SEMA6D: variants seen among roughly 807,000 people sequenced by gnomAD.
SEMA6D encodes semaphorin-6D.
Under a neutral mutation model 106.6 loss-of-function variants are expected in SEMA6D, and 35 were observed. The observed-to-expected ratio is 0.33, with a 90% CI of 0.25 to 0.44. The LOEUF (loss-of-function observed/expected upper bound fraction) is 0.44, where lower values mean the gene tolerates loss of function less well. Ranked by LOEUF, SEMA6D falls within the 20% of genes least tolerant of loss-of-function variation. The probability of loss-of-function intolerance (pLI) is 1.00; values close to 1 mark genes in which losing one functional copy is unlikely to be tolerated. For missense variants in SEMA6D, 1,185 were observed against 1,345.9 expected (o/e 0.88, Z 1.87); for synonymous variants, 499 against 487.7 (o/e 1.02, Z -0.31).
rs192603448 is a variant in SEMA6D, at chr15:47,615,510, T to A, written c.-55+14614T>A. Among the ~76,000 whole-genome samples the A allele has an allele frequency of 7.2e-5, 11 of 152,294 alleles. No homozygotes were observed. In the East Asian group the frequency reaches 2.1e-3, roughly 29 times the overall value. ...TCATTTATACACACAAAAACAAGTA[T>A]TTTTTTACGAAACTGTCTTCTTGTG... On this transcript the variant is annotated intron_variant, in intron 4 of 19. Transcript: ENST00000558014.
At chr15:47,634,709 G>T (rs772323016) in intron 4 of SEMA6D, among the ~76,000 whole-genome samples, 4 of 152,178 alleles carry the variant, frequency 2.6e-5, no homozygotes, top group Middle Eastern at 3.4e-3. Flanking sequence ...CTACCCTGGT[G>T]GGGGCAATTG....
At chr15:47,423,546 C>T (rs2041236779) in intron 2 of SEMA6D, among the ~76,000 whole-genome samples, 1 of 151,986 alleles carries the variant, frequency 6.6e-6, no homozygotes, top group South Asian at 2.1e-4. Context: ...ACATAGACTA[C>T]AATTCAACCT....
intron 1 of SEMA6D, chr15:47,393,390 C>T (rs556825351): frequency 6.6e-6 from 1 of 152,246 alleles, no homozygotes; most frequent in East Asian, 1.9e-4. Context: ...CTGTGAAAGT[C>T]TTTGTGGGAA....
intron 1 of SEMA6D, among the ~76,000 whole-genome samples, chr15:47,260,529 G>A (rs78454418): frequency 0.029 from 4,489 of 152,176 alleles, 239 homozygotes; most frequent in African/African-American, 0.1. Flanking sequence ...AGCAATCCCA[G>A]TGTCTTCTGG....
intron 1 of SEMA6D, among the ~76,000 whole-genome samples, chr15:47,251,907 A>ATTTTTTTTT (rs994788645): frequency 1.2e-5 from 1 of 81,996 alleles, no homozygotes; most frequent in African/African-American, 5.4e-5. Flanking sequence ...TTCTAATTGG[A>ATTTTTTTTT]TTTTTTTTTT....
chr15:47,461,095 C>T (rs1047160806), intron 2 of SEMA6D, among the ~76,000 whole-genome samples: 12 of 152,240 alleles, frequency 7.9e-5, no homozygotes, highest in African/African-American at 2.9e-4. Context: ...TGCGTTTGTA[C>T]TTGCTCTTGT....
intron 4 of SEMA6D, among the ~76,000 whole-genome samples, chr15:47,625,650 G>T (rs1170938731): frequency 6.6e-6 from 1 of 151,656 alleles, no homozygotes; most frequent in Non-Finnish European, 1.5e-5. Flanking sequence ...TGAGAGGATC[G>T]CTATACCCCA....
chr15:47,472,518 G>A (rs1187372640), intron 3 of SEMA6D, among the ~76,000 whole-genome samples: 2 of 152,182 alleles, frequency 1.3e-5, no homozygotes, highest in African/African-American at 2.4e-5. Context: ...CCTCCATGTA[G>A]TAGAAGGAAC....
At chr15:47,398,877 A>AC in intron 1 of SEMA6D, among the ~76,000 whole-genome samples, 1 of 152,110 alleles carries the variant, frequency 6.6e-6, no homozygotes, top group East Asian at 1.9e-4. Context: ...ATGGGAAGGA[A>AC]CACCGGCTCA....
At position 47,317,850 on chromosome 15, in the gene SEMA6D, T is replaced by C. The variant is rs765777949; in HGVS notation, c.-238-94543T>C. Among the ~76,000 whole-genome samples the C allele has an allele frequency of 7.2e-5, 11 of 152,276 alleles. No individual in the cohort carries two copies. The South Asian group carries it at 8.3e-4, about 11-fold the overall frequency. On this transcript the variant is annotated intron_variant, in intron 1 of 19. Coordinates refer to the SEMA6D transcript ENST00000558014. ...CCAGGTGTAGTGTTTTAGGCACTTA[T>C]GTTGTTTGCTTTTCTCCGAGCTTTT...
intron 1 of SEMA6D, among the ~76,000 whole-genome samples, chr15:47,318,847 A>T (rs1274566620): frequency 4.0e-5 from 6 of 149,602 alleles, no homozygotes; most frequent in Admixed American, 2.0e-4. Flanking sequence ...CGCCACACTG[A>T]CTTCCACAAT....
intron 1 of SEMA6D, among the ~76,000 whole-genome samples, chr15:47,194,651 C>T (rs1343949991): frequency 1.3e-5 from 2 of 152,138 alleles, no homozygotes; most frequent in Middle Eastern, 3.2e-3. Context: ...AAATATTTGT[C>T]TAGGAAATTA....
chr15:47,210,275 T>C (rs1173055837), intron 1 of SEMA6D, among the ~76,000 whole-genome samples: 1 of 152,152 alleles, frequency 6.6e-6, no homozygotes, highest in African/African-American at 2.4e-5. Flanking sequence ...TGTTTCTATT[T>C]TGAGGCCAGG....
chr15:47,570,654 C>T (rs979402762), intron 3 of SEMA6D, among the ~76,000 whole-genome samples: 18 of 152,122 alleles, frequency 1.2e-4, no homozygotes, highest in Admixed American at 5.2e-4. Flanking sequence ...GCAGGCCCGG[C>T]GCAGCCTCGT....
intron 1 of SEMA6D, among the ~76,000 whole-genome samples, chr15:47,214,549 G>C (rs997692821): frequency 1.3e-5 from 2 of 152,178 alleles, no homozygotes; most frequent in African/African-American, 4.8e-5. Flanking sequence ...CTTGTGTTTA[G>C]AATACACATA....
At chr15:47,648,276 C>T (rs989418305) in intron 4 of SEMA6D, among the ~76,000 whole-genome samples, 3 of 152,156 alleles carry the variant, frequency 2.0e-5, no homozygotes, top group Admixed American at 6.5e-5. Flanking sequence ...TCCTGGTGCT[C>T]CGATTTCCTC....
intron 4 of SEMA6D, among the ~76,000 whole-genome samples, chr15:47,688,699 T>A (rs1384476972): frequency 6.6e-6 from 1 of 152,182 alleles, no homozygotes; most frequent in African/African-American, 2.4e-5. Flanking sequence ...GGACTTATTT[T>A]CAAGTTTTGA....
chr15:47,468,087 T>G (rs1343994326), intron 2 of SEMA6D, among the ~76,000 whole-genome samples: 1 of 152,144 alleles, frequency 6.6e-6, no homozygotes, highest in Non-Finnish European at 1.5e-5. Context: ...TAGATTTGAC[T>G]GCCTTCTTGT....
At chr15:47,291,153 G>A (rs903581218) in intron 1 of SEMA6D, among the ~76,000 whole-genome samples, 3 of 152,172 alleles carry the variant, frequency 2.0e-5, no homozygotes, top group African/African-American at 2.4e-5. Context: ...AAAAAAGCCC[G>A]AAGTCTAAGA....
Sources: allele counts gnomAD v4.1 joint callset (sites outside exome capture counted in the v4.1 genomes callset), GRCh38; gene constraint gnomAD v4.1.1; transcripts MANE v1.5; gene names NCBI Gene and HGNC (gene_info 2026-07-23, HGNC 2026-07-21).